The following CFAP299 variants were observed in gnomAD, a reference collection of about 807,000 sequenced individuals.
CFAP299 encodes the protein cilia- and flagella-associated protein 299.
A neutral mutation model predicts 27.0 loss-of-function variants in CFAP299; 21 were observed. The observed-to-expected ratio is 0.78, with a 90% CI of 0.55 to 1.12. CFAP299 has a LOEUF of 1.12. Ranked by LOEUF, CFAP299 falls within the 50% of genes most tolerant of loss-of-function variation. CFAP299 has a pLI of 0.00. For synonymous variants in CFAP299, 104 were observed against 98.1 expected (o/e 1.06, Z -0.36); for missense variants, 310 against 276.6 (o/e 1.12, Z -0.86).
At chr4:80,669,149 CTTTTTTTTT>C (rs869091451) in intron 3 of CFAP299, among the ~76,000 whole-genome samples, 1 of 17,148 alleles carries the variant, frequency 5.8e-5, no homozygotes, top group African/African-American at 2.1e-4. Context: ...TTCTTTCTTT[CTTTTTTTTT>C]TTTTTTTTTT....
In CFAP299 at chr4:80,876,796, T is replaced by C. The variant is rs140710283; in HGVS notation, c.476+6661T>C. Reference sequence around the variant, plus strand: ...TTTTGACCTCAAATCCATATCCCAATCCTTCCCAGGTCATATTTTTTTTTG... The same window carrying C: ...TTTTGACCTCAAATCCATATCCCAACCCTTCCCAGGTCATATTTTTTTTTG... On this transcript the variant is annotated intron_variant, in intron 4 of 5. Transcript: ENST00000358105. Among the ~76,000 whole-genome samples, 245 of 152,164 alleles carry C rather than the reference T, an allele frequency of 1.6e-3. 2 individuals are homozygous for C. The highest frequency in any genetic ancestry group is 5.5e-3 in the African/African-American group (229 of 41,510).
intron 4 of CFAP299, among the ~76,000 whole-genome samples, chr4:80,885,703 A>G (rs1733937466): frequency 6.6e-6 from 1 of 152,186 alleles, no homozygotes; most frequent in Admixed American, 6.5e-5. Context: ...TTGGGCTGTG[A>G]ATAACCAAAA....
intron 3 of CFAP299, among the ~76,000 whole-genome samples, chr4:80,803,823 C>T (rs1221410671): frequency 1.3e-5 from 2 of 150,954 alleles, no homozygotes; most frequent in Non-Finnish European, 1.5e-5. Context: ...TACAATTTGC[C>T]GTCTTAATTA....
chr4:80,802,892 T>C (rs1478044368), intron 3 of CFAP299, among the ~76,000 whole-genome samples: 1 of 152,058 alleles, frequency 6.6e-6, no homozygotes, highest in Non-Finnish European at 1.5e-5. Context: ...AATCTCTCAT[T>C]AACATTAAAT....
At chr4:80,594,998 C>T (rs996677962) in intron 3 of CFAP299, among the ~76,000 whole-genome samples, 2 of 152,140 alleles carry the variant, frequency 1.3e-5, no homozygotes, top group African/African-American at 2.4e-5. Context: ...CACCAAGTCC[C>T]AAGCTATGTG....
chr4:80,916,744 G>T (rs543682154), intron 4 of CFAP299, among the ~76,000 whole-genome samples: 39 of 152,094 alleles, frequency 2.6e-4, no homozygotes, highest in Admixed American at 2.3e-3. Flanking sequence ...GTAAGTAAGA[G>T]AATATGAATT....
At chr4:80,958,059 C>T (rs1738154701) in intron 5 of CFAP299, among the ~76,000 whole-genome samples, 1 of 152,052 alleles carries the variant, frequency 6.6e-6, no homozygotes, top group Admixed American at 6.6e-5. Context: ...TATTATTTGT[C>T]GTCCTGCTGC....
At chr4:80,714,411 A>G (rs1722356672) in intron 3 of CFAP299, among the ~76,000 whole-genome samples, 1 of 152,144 alleles carries the variant, frequency 6.6e-6, no homozygotes, top group South Asian at 2.1e-4. Context: ...TGCCTGGAGA[A>G]AATGCTCTGG....
rs116164887 is a variant in CFAP299 at position 80,947,184 on chromosome 4, A to G, written c.606+2245A>G. On this transcript the variant is annotated intron_variant, in intron 5 of 5. Transcript: ENST00000358105. ...ACATTTGTCTCCTTTTTTCTGAAAGATTTTGATTAGATTTTATGATAAATT... is the reference window on the plus strand; with the variant it reads ...ACATTTGTCTCCTTTTTTCTGAAAGGTTTTGATTAGATTTTATGATAAATT... 6.1e-3 allele frequency among the ~76,000 whole-genome samples: 927 copies of G among 152,254 alleles called. 11 individuals carry two copies. Among genetic ancestry groups the G allele is most frequent in the African/African-American group, 0.021 (879 of 41,554 alleles).
chr4:80,950,904 G>A (rs1205394847), intron 5 of CFAP299, among the ~76,000 whole-genome samples: 2 of 152,124 alleles, frequency 1.3e-5, no homozygotes, highest in African/African-American at 4.8e-5. Flanking sequence ...AACACCACAA[G>A]TGGAAGCCAA....
chr4:80,428,920 G>A (rs939078404), intron 2 of CFAP299, among the ~76,000 whole-genome samples: 11 of 152,180 alleles, frequency 7.2e-5, no homozygotes, highest in African/African-American at 2.7e-4. Context: ...TACACAATGT[G>A]TGTGTTTTTC....
At chr4:80,387,129 G>A (rs554120351) in intron 2 of CFAP299, 7 of 1,424,590 alleles carry the variant, frequency 4.9e-6, no homozygotes, top group East Asian at 4.6e-5. Flanking sequence ...TTGTTGACAC[G>A]TTTGACACAC....
At chr4:80,407,662 A>G (rs1160570945) in intron 2 of CFAP299, among the ~76,000 whole-genome samples, 1 of 152,206 alleles carries the variant, frequency 6.6e-6, no homozygotes, top group Non-Finnish European at 1.5e-5. Flanking sequence ...CTTCTTTATA[A>G]GAGAACTTGA....
chr4:80,693,781 C>T (rs1032610484), intron 3 of CFAP299, among the ~76,000 whole-genome samples: 2 of 150,944 alleles, frequency 1.3e-5, no homozygotes, highest in African/African-American at 2.4e-5. Context: ...GAGGGAATAC[C>T]CAGTTAATGT....
intron 2 of CFAP299, among the ~76,000 whole-genome samples, chr4:80,414,080 T>TC (rs1726872898): frequency 6.8e-6 from 1 of 148,062 alleles, no homozygotes; most frequent in Non-Finnish European, 1.5e-5. Context: ...TTTTTTTTTT[T>TC]TTTTTTTTGA....
chr4:80,944,723 C>A, intron 4 of CFAP299, 87 bp from the exon 5 acceptor site: 1 of 976,476 alleles, frequency 1.0e-6, no homozygotes, highest in Non-Finnish European at 1.5e-6. Flanking sequence ...TATCTTATGA[C>A]TGAACTTCCC....
intron 4 of CFAP299, among the ~76,000 whole-genome samples, chr4:80,914,514 C>A (rs2110206122): frequency 6.6e-6 from 1 of 152,262 alleles, no homozygotes; most frequent in Non-Finnish European, 1.5e-5. Flanking sequence ...GTTATAACAA[C>A]CCAAACTGTA....
chr4:80,944,725 G>T, intron 4 of CFAP299, 85 bp from the exon 5 acceptor site: 1 of 1,000,328 alleles, frequency 1.0e-6, no homozygotes, highest in South Asian at 1.7e-5. Context: ...TCTTATGACT[G>T]AACTTCCCCA....
At chr4:80,709,442 A>T (rs1722011903) in intron 3 of CFAP299, among the ~76,000 whole-genome samples, 1 of 152,154 alleles carries the variant, frequency 6.6e-6, no homozygotes. Flanking sequence ...TCCCTGCTTG[A>T]TATAAGTCAT....
Sources: allele counts gnomAD v4.1 joint callset (sites outside exome capture counted in the v4.1 genomes callset), GRCh38; gene constraint gnomAD v4.1.1; transcripts MANE v1.5; gene names NCBI Gene and HGNC (gene_info 2026-07-23, HGNC 2026-07-21).